NUBPL: variants seen among roughly 807,000 people sequenced by gnomAD.
NUBPL encodes NUBP iron-sulfur cluster assembly factor, mitochondrial, also known as iron-sulfur cluster transfer protein NUBPL.
NUBPL carries 31 observed loss-of-function variants against 45.7 expected under a neutral mutation model. That is an observed-to-expected ratio of 0.68 (90% CI 0.51 to 0.92). The LOEUF (loss-of-function observed/expected upper bound fraction) is 0.92. Ranked by LOEUF, NUBPL falls within the 40% of genes least tolerant of loss-of-function variation. The probability of loss-of-function intolerance (pLI) is 0.00; values close to 1 mark genes in which losing one functional copy is unlikely to be tolerated. For synonymous variants in NUBPL, 144 were observed against 140.9 expected (o/e 1.02, Z -0.15); for missense variants, 401 against 398.7 (o/e 1.01, Z -0.05).
intron 4 of NUBPL, among the ~76,000 whole-genome samples, chr14:31,668,521 C>G (rs958249074): frequency 6.6e-6 from 1 of 152,194 alleles, no homozygotes; most frequent in Admixed American, 6.5e-5. Flanking sequence ...CTCACTAAGA[C>G]CACTTGGCTC....
intron 4 of NUBPL, among the ~76,000 whole-genome samples, chr14:31,657,928 T>C (rs2036178739): frequency 6.6e-6 from 1 of 152,018 alleles, no homozygotes; most frequent in Admixed American, 6.6e-5. Context: ...AGAAAAAGAG[T>C]CTTATACATC....
intron 6 of NUBPL, among the ~76,000 whole-genome samples, chr14:31,683,717 T>A (rs1329628042): frequency 6.6e-6 from 1 of 152,180 alleles, no homozygotes. Context: ...TTTCTTTAGA[T>A]CTGAGTTTAA....
intron 6 of NUBPL, among the ~76,000 whole-genome samples, chr14:31,678,493 C>A (rs973785631): frequency 7.2e-5 from 11 of 152,132 alleles, no homozygotes; most frequent in African/African-American, 2.7e-4. Flanking sequence ...GCCCAGAGGC[C>A]CTTTATTCAG....
At chr14:31,798,520 C>T (rs546907905) in intron 7 of NUBPL, among the ~76,000 whole-genome samples, 61 of 151,464 alleles carry the variant, frequency 4.0e-4, no homozygotes, top group South Asian at 2.7e-3. Context: ...ATGCCAGGTG[C>T]GGTGGCTCAC....
At chr14:31,645,775 C>CT (rs1555323283) in intron 4 of NUBPL, among the ~76,000 whole-genome samples, 1,450 of 42,062 alleles carry the variant, frequency 0.034, 38 homozygotes, top group African/African-American at 0.11. Context: ...ATACTTTACA[C>CT]CCCCCCCCCC....
intron 3 of NUBPL, among the ~76,000 whole-genome samples, chr14:31,596,921 A>G (rs930520137): frequency 6.6e-6 from 1 of 152,216 alleles, no homozygotes; most frequent in African/African-American, 2.4e-5. Context: ...GGGAGATGCA[A>G]TCAGGGAAAG....
intron 6 of NUBPL, among the ~76,000 whole-genome samples, chr14:31,757,419 T>A (rs1383565992): frequency 1.3e-5 from 2 of 151,744 alleles, no homozygotes; most frequent in South Asian, 2.1e-4. Context: ...TTCTTCCTGG[T>A]TTAGTCTTGG....
intron 6 of NUBPL, among the ~76,000 whole-genome samples, chr14:31,744,781 C>G (rs996723443): frequency 6.6e-6 from 1 of 151,820 alleles, no homozygotes; most frequent in Non-Finnish European, 1.5e-5. Flanking sequence ...ACCACCACGC[C>G]CAGCTAATTT....
At chr14:31,775,478 A>G (rs569418897) in intron 6 of NUBPL, among the ~76,000 whole-genome samples, 24 of 152,242 alleles carry the variant, frequency 1.6e-4, no homozygotes, top group South Asian at 8.3e-4. Context: ...CTCACATTAG[A>G]GGGTAATAAT....
intron 4 of NUBPL, among the ~76,000 whole-genome samples, chr14:31,619,767 G>C (rs566259287): frequency 1.3e-5 from 2 of 152,162 alleles, no homozygotes; most frequent in African/African-American, 4.8e-5. Context: ...GTGCCTTAGG[G>C]TTGCTCTTTT....
At chr14:31,736,520 T>C (rs749145000) in intron 6 of NUBPL, among the ~76,000 whole-genome samples, 7 of 152,352 alleles carry the variant, frequency 4.6e-5, no homozygotes, top group African/African-American at 7.2e-5. Context: ...GATCCATCCA[T>C]GTTTTTGCAT....
chr14:31,841,917 C>CTTTTTTTTTTTT lies in NUBPL; in HGVS notation c.694-4534_694-4523dup, dbSNP rs547795007. On this transcript the variant is annotated intron_variant, in intron 8 of 10. Coordinates refer to ENST00000281081, the MANE Select transcript of NUBPL (RefSeq NM_025152.3). The stretch of plus-strand genomic sequence containing the variant: ...CTTTCATGTATGGGTCGATTCTGGG[C>CTTTTTTTTTTTT]TTTTTTTTTTTTTTTTTTTTTTTTT... Among the ~76,000 whole-genome samples the CTTTTTTTTTTTT allele has an allele frequency of 3.3e-4, 14 of 43,052 alleles. 3 individuals carry two copies. Among genetic ancestry groups the CTTTTTTTTTTTT allele is most frequent in the African/African-American group, 1.0e-3 (11 of 10,818 alleles). The allele number at this position is 43,052 out of a possible 152,430, so 28.2% of individuals were successfully genotyped here.
chr14:31,817,436 G>A (rs998258457), intron 7 of NUBPL, among the ~76,000 whole-genome samples: 1 of 152,094 alleles, frequency 6.6e-6, no homozygotes, highest in African/African-American at 2.4e-5. Flanking sequence ...GAGAAAGGTC[G>A]GGTTACCCAC....
At chr14:31,743,747 A>C (rs2038336369) in intron 6 of NUBPL, among the ~76,000 whole-genome samples, 1 of 152,166 alleles carries the variant, frequency 6.6e-6, no homozygotes, top group African/African-American at 2.4e-5. Flanking sequence ...ATTCTTTTGC[A>C]TGCATCTGAA....
chr14:31,651,636 C>T (rs906897153), intron 4 of NUBPL, among the ~76,000 whole-genome samples: 11 of 152,090 alleles, frequency 7.2e-5, no homozygotes, highest in South Asian at 2.1e-4. Context: ...TGGTGGCTCA[C>T]GCCTGTAATC....
intron 6 of NUBPL, among the ~76,000 whole-genome samples, chr14:31,694,677 G>A (rs955496055): frequency 6.6e-6 from 1 of 152,160 alleles, no homozygotes; most frequent in African/African-American, 2.4e-5. Context: ...CATGACGTCT[G>A]GCTAATTTTT....
chr14:31,658,231 T>C (rs1443609256), intron 4 of NUBPL, among the ~76,000 whole-genome samples: 1 of 152,204 alleles, frequency 6.6e-6, no homozygotes, highest in Non-Finnish European at 1.5e-5. Context: ...AACCTCCTGC[T>C]TCTTGGATAT....
intron 4 of NUBPL, 150 bp downstream of exon 4, chr14:31,599,529 C>A: frequency 1.6e-6 from 1 of 620,348 alleles, no homozygotes; most frequent in Non-Finnish European, 2.8e-6. Context: ...GAAACTGTTA[C>A]TTTAAGTGAA....
chr14:31,819,731 C>CT lies in NUBPL; in HGVS notation c.608-6894dup, dbSNP rs1035940486. On this transcript the variant is annotated intron_variant, in intron 7 of 10. Coordinates refer to ENST00000281081, the MANE Select transcript of NUBPL (RefSeq NM_025152.3). ...TGCCAGAATCTGCCAGACAATCAACCTTTTATAGTAAATCTCAGCTGATAG... is the reference window on the plus strand; with the variant it reads ...TGCCAGAATCTGCCAGACAATCAACCTTTTTATAGTAAATCTCAGCTGATAG... 3.3e-5 allele frequency among the ~76,000 whole-genome samples: 5 copies of CT among 152,270 alleles called. No homozygotes were observed. The East Asian group carries it at 5.8e-4, about 18-fold the overall frequency.
Sources: allele counts gnomAD v4.1 joint callset (sites outside exome capture counted in the v4.1 genomes callset), GRCh38; gene constraint gnomAD v4.1.1; transcripts MANE v1.5; gene names NCBI Gene and HGNC (gene_info 2026-07-23, HGNC 2026-07-21).